KLHL32: variants seen among roughly 807,000 people sequenced by gnomAD.
The protein encoded by KLHL32 is kelch like family member 32.
Under a neutral mutation model 64.8 loss-of-function variants are expected in KLHL32, and 35 were observed. The observed-to-expected ratio is 0.54, with a 90% CI of 0.41 to 0.72. KLHL32 has a LOEUF of 0.72. Ranked by LOEUF, KLHL32 falls within the 30% of genes least tolerant of loss-of-function variation. The pLI is 0.00. For missense variants in KLHL32, 589 were observed against 768.5 expected, an observed-to-expected ratio of 0.77 and a Z score of 2.76; for synonymous variants, 259 against 281.0, an observed-to-expected ratio of 0.92 and a Z score of 0.78.
intron 1 of KLHL32, among the ~76,000 whole-genome samples, chr6:96,951,440 A>G (rs1334941501): frequency 6.6e-6 from 1 of 152,122 alleles, no homozygotes; most frequent in Non-Finnish European, 1.5e-5. Context: ...TTCTAGGTCT[A>G]TTTTAAATAG....
chr6:97,097,715 G>T (rs969341294), intron 6 of KLHL32, among the ~76,000 whole-genome samples: 3 of 151,944 alleles, frequency 2.0e-5, no homozygotes, highest in African/African-American at 7.3e-5. Flanking sequence ...ACTTAAAAAT[G>T]GAAACTTTAA....
intron 3 of KLHL32, among the ~76,000 whole-genome samples, chr6:96,987,783 C>G (rs561745131): frequency 8.5e-5 from 13 of 152,254 alleles, no homozygotes; most frequent in Admixed American, 7.8e-4. Context: ...GAACAGAGCC[C>G]TCAGAAATAA....
chr6:96,930,956 A>G (rs996536852), intron 1 of KLHL32, among the ~76,000 whole-genome samples: 15 of 152,158 alleles, frequency 9.9e-5, no homozygotes, highest in African/African-American at 3.6e-4. Flanking sequence ...TGTAGAATTA[A>G]TAGTGGCAGC....
intron 3 of KLHL32, among the ~76,000 whole-genome samples, chr6:97,011,550 A>C (rs1266265681): frequency 1.3e-5 from 2 of 152,192 alleles, no homozygotes; most frequent in Non-Finnish European, 2.9e-5. Flanking sequence ...TAAATTATAA[A>C]ATTGTTGAAT....
intron 4 of KLHL32, among the ~76,000 whole-genome samples, chr6:97,062,760 C>T (rs758707717): frequency 6.6e-6 from 1 of 152,134 alleles, no homozygotes; most frequent in Non-Finnish European, 1.5e-5. Context: ...GAAACTTATA[C>T]TGAGCAGAGA....
intron 3 of KLHL32, among the ~76,000 whole-genome samples, chr6:97,034,937 C>T (rs1004693436): frequency 6.6e-6 from 1 of 151,916 alleles, no homozygotes; most frequent in African/African-American, 2.4e-5. Context: ...ATCATGTTAT[C>T]TGTGGAGGTA....
chr6:96,937,084 T>TA (rs1770701307), intron 1 of KLHL32, among the ~76,000 whole-genome samples: 1 of 152,168 alleles, frequency 6.6e-6, no homozygotes, highest in South Asian at 2.1e-4. Flanking sequence ...AGGGAAAACT[T>TA]ACATATCATT....
At chr6:97,022,928 G>A (rs1434380048) in intron 3 of KLHL32, among the ~76,000 whole-genome samples, 2 of 152,208 alleles carry the variant, frequency 1.3e-5, no homozygotes, top group Non-Finnish European at 2.9e-5. Flanking sequence ...CATGGCATAA[G>A]GCGAAGAGGA....
intron 7 of KLHL32, among the ~76,000 whole-genome samples, chr6:97,121,918 G>T (rs1175248231): frequency 6.6e-6 from 1 of 152,214 alleles, no homozygotes; most frequent in Non-Finnish European, 1.5e-5. Flanking sequence ...CAAGAGCACA[G>T]CAAAGCTGGG....
chr6:97,016,790 G>T (rs1582720304), intron 3 of KLHL32, among the ~76,000 whole-genome samples: 1 of 152,130 alleles, frequency 6.6e-6, no homozygotes, highest in East Asian at 1.9e-4. Flanking sequence ...ATCCTGGGAG[G>T]GACCTGGTGT....
chr6:96,959,887 G>T (rs889914710), intron 1 of KLHL32, among the ~76,000 whole-genome samples: 1 of 152,136 alleles, frequency 6.6e-6, no homozygotes, highest in Non-Finnish European at 1.5e-5. Flanking sequence ...TAGATTATTG[G>T]AAACTTCCTT....
At position 97,014,966 on chromosome 6, in the gene KLHL32, G is replaced by A. The variant is rs767838961; in HGVS notation, c.205-26526G>A. ...TGGTGGGAGGTGATTGAATCATGGC[G>A]GTGGTTTCCCCCATGGTGTTCTCAT... On this transcript the variant is annotated intron_variant, in intron 3 of 10. Transcript: ENST00000369261. 3.3e-5 allele frequency among the ~76,000 whole-genome samples: 5 copies of A among 152,292 alleles called. No individual in the cohort carries two copies. In the East Asian group the frequency reaches 7.7e-4, roughly 24 times the overall value.
At chr6:97,090,950 A>T (rs1014583667) in intron 6 of KLHL32, among the ~76,000 whole-genome samples, 1 of 152,266 alleles carries the variant, frequency 6.6e-6, no homozygotes, top group African/African-American at 2.4e-5. Flanking sequence ...TTAGCTGGGC[A>T]CAGTGGCTTA....
rs1323018531 is a variant in KLHL32 at position 97,076,806 on chromosome 6, AT to A, written c.412-8317del. Among the ~76,000 whole-genome samples, 3 of 152,100 alleles carry A rather than the reference AT, an allele frequency of 2.0e-5. No homozygotes were observed. In the South Asian group the frequency reaches 6.2e-4, roughly 31 times the overall value. Reference sequence around the variant, plus strand: ...CATATTTATCTCCAGTGTAGCTAACATTTCTAGGCACGTACCTTTATTTAAA... The same window carrying A: ...CATATTTATCTCCAGTGTAGCTAACATTCTAGGCACGTACCTTTATTTAAA... On this transcript the variant is annotated intron_variant, in intron 5 of 10. Transcript: ENST00000369261.
At chr6:97,004,077 G>T (rs1362905096) in intron 3 of KLHL32, among the ~76,000 whole-genome samples, 1 of 152,138 alleles carries the variant, frequency 6.6e-6, no homozygotes, top group Non-Finnish European at 1.5e-5. Context: ...GGGAAGTATG[G>T]CCATTTAACA....
intron 2 of KLHL32, among the ~76,000 whole-genome samples, chr6:96,971,367 C>T: frequency 6.6e-6 from 1 of 152,186 alleles, no homozygotes; most frequent in East Asian, 1.9e-4. Flanking sequence ...TCTGTGACCT[C>T]AGAGCAGCAA....
chr6:97,081,559 A>C (rs1011390450), intron 5 of KLHL32, among the ~76,000 whole-genome samples: 3 of 152,220 alleles, frequency 2.0e-5, no homozygotes, highest in African/African-American at 7.2e-5. Context: ...CCCTTTGCCA[A>C]GTGAACAAAG....
At chr6:97,136,429 G>T (rs1800021270) in intron 10 of KLHL32, among the ~76,000 whole-genome samples, 1 of 152,222 alleles carries the variant, frequency 6.6e-6, no homozygotes, top group Non-Finnish European at 1.5e-5. Flanking sequence ...CTTAGGTTGA[G>T]ATTTGGACTT....
At chr6:97,083,388 TCA>T (rs1491326848) in intron 5 of KLHL32, among the ~76,000 whole-genome samples, 1 of 44,896 alleles carries the variant, frequency 2.2e-5, no homozygotes, top group Non-Finnish European at 4.4e-5. Context: ...AGACTCCGTC[TCA>T]AAAAAAAAAA....
Sources: gnomAD v4.1 joint callset for allele counts (sites outside exome capture counted in the v4.1 genomes callset) on GRCh38, gnomAD v4.1.1 for gene constraint, MANE v1.5 for transcripts, NCBI Gene and HGNC (gene_info 2026-07-23, HGNC 2026-07-21) for gene names.